The following EP400 variants were observed in gnomAD, a reference collection of about 807,000 sequenced individuals.
The protein encoded by EP400 is E1A binding protein p400.
A neutral mutation model predicts 354.1 loss-of-function variants in EP400; 105 were observed. The observed-to-expected ratio is 0.30, with a 90% CI of 0.25 to 0.35. EP400 has a LOEUF of 0.35. EP400 is among the 10% of genes least tolerant of loss of function. The pLI is 1.00. For missense variants in EP400, 3,280 were observed against 4,121.0 expected (o/e 0.80, Z 5.59); for synonymous variants, 1,646 against 1,716.9 (o/e 0.96, Z 1.02).
intron 15 of EP400, among the ~76,000 whole-genome samples, chr12:132,010,661 G>A (rs570537792): frequency 2.0e-3 from 300 of 152,248 alleles, no homozygotes; most frequent in Non-Finnish European, 1.7e-3. Context: ...TAGTTTTCTC[G>A]CCAGGCTTGG....
At chr12:132,030,633 C>T (rs905616759) in intron 29 of EP400, among the ~76,000 whole-genome samples, 8 of 152,184 alleles carry the variant, frequency 5.3e-5, no homozygotes, top group African/African-American at 1.7e-4. Flanking sequence ...TGGATTTGAA[C>T]CTTAATAGTG....
chr12:132,066,696 C>T lies in EP400; in HGVS notation c.8554-78C>T, dbSNP rs530764573. ...CTTTGTAAATTTTCTCATGGCATGA[C>T]CTCTTGTGGAGAAGTATTTGGAAAG... On this transcript the variant is annotated intron_variant, in intron 48 of 52. Coordinates refer to ENST00000389561, the MANE Select transcript of EP400 (RefSeq NM_015409.5). 39 of 1,420,948 alleles carry T rather than the reference C, an allele frequency of 2.7e-5. No individual in the cohort carries two copies. The Admixed American group carries it at 4.7e-4, about 17-fold the overall frequency. The allele number at this position is 1,420,948 out of a possible 1,614,324, so 88.0% of individuals were successfully genotyped here. A position where few individuals can be genotyped will look rare whatever the true frequency, so the allele number is the denominator to read the frequency against.
At chr12:132,045,003 A>C in intron 37 of EP400, 50 bp downstream of exon 37, 1 of 1,602,792 alleles carries the variant, frequency 6.2e-7, no homozygotes, top group Non-Finnish European at 8.5e-7. Flanking sequence ...TGGCCTGCAG[A>C]ATCCCTGCAT....
rs565827189 is a variant in EP400 at position 132,044,271 on chromosome 12, C to T, written c.6545C>T (p.Ala2182Val). Residue 2182 changes from alanine (A) to valine (V), a missense_variant, in exon 35 of 53, where the codon GCG (alanine) becomes GTG (valine). Transcript: ENST00000389561. Reference protein sequence around the residue: ...EARLRLEQEEAELLTYTREDA... With the variant: ...EARLRLEQEEVELLTYTREDA... ...CGGCTGCGGCTGGAGCAGGAGGAGG[C>T]GGAGCTCCTGACCTACACGCGAGAG... 5.6e-6 allele frequency: 9 copies of T among 1,614,074 alleles called. No individual in the cohort carries two copies. The highest frequency in any genetic ancestry group is 5.3e-5 in the African/African-American group (4 of 75,062).
At position 132,052,674 on chromosome 12, in the gene EP400, A is replaced by G. The variant is rs1463403049; in HGVS notation, c.7395-472A>G. Among the ~76,000 whole-genome samples, 3 of 151,750 alleles carry G rather than the reference A, an allele frequency of 2.0e-5. No individual in the cohort carries two copies. The highest frequency in any genetic ancestry group is 7.3e-5 in the African/African-American group (3 of 41,282). ...GATTGATGTTGTCGATTAAATGAAG[A>G]GTTAATTCACCCTACTAATATTTAT... On this transcript the variant is annotated intron_variant, in intron 41 of 52. Coordinates refer to ENST00000389561, the MANE Select transcript of EP400 (RefSeq NM_015409.5). This position sits in a 1 kb window ranked among gnomAD's most constrained non-coding sequence, Gnocchi z 4.4.
At chr12:131,997,346 G>T (rs1398286133) in intron 12 of EP400, among the ~76,000 whole-genome samples, 1 of 149,988 alleles carries the variant, frequency 6.7e-6, no homozygotes, top group East Asian at 2.0e-4. Context: ...ACAGCTCATT[G>T]CAGCCTTGAC....
intron 2 of EP400, among the ~76,000 whole-genome samples, chr12:131,971,552 C>T (rs1892288594): frequency 6.6e-6 from 1 of 152,138 alleles, no homozygotes; most frequent in Admixed American, 6.6e-5. Context: ...TTTGAGGAAC[C>T]TTCATACTGA....
At chr12:131,985,868 A>C (rs1176133647) in intron 5 of EP400, among the ~76,000 whole-genome samples, 1 of 152,216 alleles carries the variant, frequency 6.6e-6, no homozygotes, top group African/African-American at 2.4e-5. Flanking sequence ...TCGGCCTCTG[A>C]AAGTGCTGGT....
At position 132,018,782 on chromosome 12, in the gene EP400, T is replaced by A. The variant is rs1444511042; in HGVS notation, c.4277+406T>A. Among the ~76,000 whole-genome samples, 1 of 152,210 alleles carries A rather than the reference T, an allele frequency of 6.6e-6. No individual in the cohort carries two copies. ...TGACATGTGAGTGATTCTGAAGTGA[T>A]GCTTTTGCGGGTGTCATGAGGCTGG... On this transcript the variant is annotated intron_variant, in intron 21 of 52. Coordinates refer to ENST00000389561, the MANE Select transcript of EP400 (RefSeq NM_015409.5). This position sits in a 1 kb window ranked among gnomAD's most constrained non-coding sequence, Gnocchi z 4.0.
rs1894781572 is a variant in EP400, at chr12:132,038,273, T to G, written c.6207+177T>G. Among the ~76,000 whole-genome samples the G allele has an allele frequency of 6.6e-6, 1 of 152,180 alleles. No individual in the cohort carries two copies. The highest frequency in any genetic ancestry group is 1.5e-5 in the Non-Finnish European group (1 of 68,030). On this transcript the variant is annotated intron_variant, in intron 32 of 52. Coordinates refer to ENST00000389561, the MANE Select transcript of EP400 (RefSeq NM_015409.5). The surrounding 1 kb of genome is among the most constrained non-coding windows in gnomAD (Gnocchi z 4.2). ...TCTTTCTGTCATGGGGATTTTGAAC[T>G]GTAAATACAAGTGAGGGGAATGGTG...
chr12:132,010,316 A>G (rs1593344287), intron 15 of EP400, among the ~76,000 whole-genome samples: 1 of 150,642 alleles, frequency 6.6e-6, no homozygotes, highest in South Asian at 2.1e-4. Context: ...TGAACTCCTG[A>G]CCTCCTGATC....
chr12:131,987,910 G>T lies in EP400; in HGVS notation c.2409+20G>T. 6.3e-7 allele frequency: 1 copy of T among 1,581,718 alleles called. No homozygotes were observed. Among genetic ancestry groups the T allele is most frequent in the South Asian group, 1.2e-5 (1 of 85,296 alleles). On this transcript the variant is annotated intron_variant, in intron 7 of 52. Coordinates refer to ENST00000389561, the MANE Select transcript of EP400 (RefSeq NM_015409.5). Reference sequence around the variant, plus strand: ...AAGAAGGTGGGTTGGAATGCGTGGAGCTGCTGTGCTGTGTGCGTTGGTGGG... The same window carrying T: ...AAGAAGGTGGGTTGGAATGCGTGGATCTGCTGTGCTGTGTGCGTTGGTGGG...
chr12:132,029,928 C>T lies in EP400; in HGVS notation c.5584+25C>T. On this transcript the variant is annotated intron_variant, in intron 28 of 52. Transcript: ENST00000389561. This position sits in a 1 kb window ranked among gnomAD's most constrained non-coding sequence, Gnocchi z 4.7. ...GGTATGCGGCAGTTGGGGGCGTGGC[C>T]CGTGCGGGAGCTGCACCGGCCCTGG... The T allele has an allele frequency of 6.2e-7, 1 of 1,611,208 alleles. No individual in the cohort carries two copies. The highest frequency in any genetic ancestry group is 8.5e-7 in the Non-Finnish European group (1 of 1,179,308).
intron 5 of EP400, among the ~76,000 whole-genome samples, chr12:131,984,391 T>G (rs1402747035): frequency 1.3e-5 from 2 of 152,174 alleles, no homozygotes; most frequent in East Asian, 3.8e-4. Flanking sequence ...TATCTCCATT[T>G]TATAGATTAA....
chr12:131,958,217 A>G (rs1432936302), intron 1 of EP400, among the ~76,000 whole-genome samples: 1 of 152,200 alleles, frequency 6.6e-6, no homozygotes, highest in Non-Finnish European at 1.5e-5. Context: ...TTTTGAAAGT[A>G]ATAAGCATTG....
At chr12:131,992,361 G>C in intron 11 of EP400, 131 bp downstream of exon 11, 1 of 828,010 alleles carries the variant, frequency 1.2e-6, no homozygotes, top group South Asian at 1.6e-5. Flanking sequence ...TATTTATCCA[G>C]ATGTCTCTCA....
intron 7 of EP400, among the ~76,000 whole-genome samples, 172 bp from the exon 8 acceptor site, chr12:131,989,791 GT>G (rs1262253294): frequency 6.6e-6 from 1 of 152,162 alleles, no homozygotes; most frequent in Non-Finnish European, 1.5e-5. Context: ...ATTGATGGTG[GT>G]TTTTGCTTAT....
rs545646588 is a variant in EP400 at position 132,066,664 on chromosome 12, T to C, written c.8554-110T>C. On this transcript the variant is annotated intron_variant, in intron 48 of 52. Coordinates refer to ENST00000389561, the MANE Select transcript of EP400 (RefSeq NM_015409.5). ...TTTCCTGTTGGGCCACTTTAAACTT[T>C]GTTGATCTTTGTAAATTTTCTCATG... 2.1e-4 allele frequency: 252 copies of C among 1,180,052 alleles called. 5 individuals are homozygous for C. The South Asian group carries it at 2.6e-3, about 12-fold the overall frequency. The allele number at this position is 1,180,052 out of a possible 1,614,324, so 73.1% of individuals were successfully genotyped here.
chr12:132,018,152 T>A lies in EP400; in HGVS notation c.4111-58T>A. ...CCCTGCCATAGAAATCAGTTTTGATTCTTAGGTGCTTTTTTTGCCTCTTCA... is the reference window on the plus strand; with the variant it reads ...CCCTGCCATAGAAATCAGTTTTGATACTTAGGTGCTTTTTTTGCCTCTTCA... On this transcript the variant is annotated intron_variant, in intron 20 of 52. Coordinates refer to ENST00000389561, the MANE Select transcript of EP400 (RefSeq NM_015409.5). This position sits in a 1 kb window ranked among gnomAD's most constrained non-coding sequence, Gnocchi z 4.0. 1 of 1,595,694 alleles carries A rather than the reference T, an allele frequency of 6.3e-7. No homozygotes were observed. Among genetic ancestry groups the A allele is most frequent in the Non-Finnish European group, 8.5e-7 (1 of 1,174,836 alleles).
Sources: allele counts gnomAD v4.1 joint callset (sites outside exome capture counted in the v4.1 genomes callset), GRCh38; gene constraint gnomAD v4.1.1; non-coding constraint Gnocchi (gnomAD v3.1); transcripts MANE v1.5; gene names NCBI Gene and HGNC (gene_info 2026-07-23, HGNC 2026-07-21).